Variants in MAGI2 observed in about 807,000 individuals in gnomAD.
MAGI2 encodes the protein membrane associated guanylate kinase, WW and PDZ domain containing 2.
Under a neutral mutation model 133.3 loss-of-function variants are expected in MAGI2, and 35 were observed. The ratio of observed to expected loss-of-function variants is 0.26; its 90% confidence interval spans 0.20 to 0.35. The LOEUF is 0.35. Ranked by LOEUF, MAGI2 falls within the 10% of genes least tolerant of loss-of-function variation. MAGI2 has a pLI of 1.00. For synonymous variants in MAGI2, 729 were observed against 710.6 expected (o/e 1.03, Z -0.41); for missense variants, 1,636 against 1,863.4 (o/e 0.88, Z 2.25).
intron 1 of MAGI2, among the ~76,000 whole-genome samples, chr7:79,111,576 A>G (rs1818925713): frequency 6.6e-6 from 1 of 152,220 alleles, no homozygotes; most frequent in African/African-American, 2.4e-5. Context: ...CGGAAAAAAT[A>G]TAAGCAAGCA....
chr7:79,026,724 C>G (rs1809922952), intron 1 of MAGI2, among the ~76,000 whole-genome samples: 1 of 151,580 alleles, frequency 6.6e-6, no homozygotes, highest in Non-Finnish European at 1.5e-5. Flanking sequence ...AATACAAAAA[C>G]TTAGTCCGGT....
chr7:78,653,226 G>T (rs898662053), intron 2 of MAGI2, among the ~76,000 whole-genome samples: 5 of 152,310 alleles, frequency 3.3e-5, no homozygotes, highest in African/African-American at 1.2e-4. Flanking sequence ...AAATAGTGTG[G>T]TGATTCCTCA....
intron 1 of MAGI2, among the ~76,000 whole-genome samples, chr7:79,374,532 A>G (rs1257004236): frequency 6.6e-6 from 1 of 152,016 alleles, no homozygotes; most frequent in Non-Finnish European, 1.5e-5. Context: ...AAATGAATTT[A>G]TGCTTCAGCC....
At chr7:78,252,382 C>A (rs1440581265) in intron 10 of MAGI2, 1 of 149,878 alleles carries the variant, frequency 6.7e-6, no homozygotes, top group African/African-American at 2.5e-5. Context: ...TATGCTAATT[C>A]ATTTTTGACA....
Position 79,168,903 on chromosome 7 carries a change from T to TAG in MAGI2, c.302-161698_302-161697insCT, listed in dbSNP as rs1825230722. On this transcript the variant is annotated intron_variant, in intron 1 of 21. Coordinates refer to ENST00000354212, the MANE Select transcript of MAGI2 (RefSeq NM_012301.4). ...TTCTAAAGATAGATATATATATATA[T>TAG]ATATATATATATATATATATATATA... Among the ~76,000 whole-genome samples, 5 of 8,676 alleles carry TAG rather than the reference T, an allele frequency of 5.8e-4. No individual in the cohort carries two copies. In the South Asian group the frequency reaches 7.1e-3, roughly 12 times the overall value. The allele number at this position is 8,676 out of a possible 152,430, so 5.7% of individuals were successfully genotyped here. A position where few individuals can be genotyped will look rare whatever the true frequency, so the allele number is the denominator to read the frequency against.
intron 1 of MAGI2, among the ~76,000 whole-genome samples, chr7:79,232,484 C>G (rs1346108877): frequency 1.4e-5 from 2 of 144,742 alleles, no homozygotes; most frequent in Non-Finnish European, 3.0e-5. Flanking sequence ...TGTTATTGGT[C>G]TATTCAGAGA....
chr7:79,314,827 G>A (rs1838577845), intron 1 of MAGI2, among the ~76,000 whole-genome samples: 1 of 152,154 alleles, frequency 6.6e-6, no homozygotes, highest in Non-Finnish European at 1.5e-5. Context: ...ACTCAAATCA[G>A]AAAAGTTTTA....
intron 10 of MAGI2, among the ~76,000 whole-genome samples, chr7:78,237,798 A>G (rs535204464): frequency 4.6e-5 from 7 of 152,328 alleles, no homozygotes; most frequent in Admixed American, 2.0e-4. Context: ...ATATAAAAAC[A>G]TAGTACATGC....
chr7:78,822,386 A>T (rs1459120354), intron 2 of MAGI2, among the ~76,000 whole-genome samples: 1 of 152,114 alleles, frequency 6.6e-6, no homozygotes, highest in East Asian at 1.9e-4. Context: ...AGAGAATAAT[A>T]ATTTAACTCA....
At chr7:78,136,797 C>T (rs529804299) in intron 16 of MAGI2, among the ~76,000 whole-genome samples, 31 of 152,228 alleles carry the variant, frequency 2.0e-4, no homozygotes, top group African/African-American at 4.8e-5. Context: ...TGCTTTACAG[C>T]GAAAGGCAGA....
chr7:79,123,189 C>A (rs907649906), intron 1 of MAGI2, among the ~76,000 whole-genome samples: 1 of 152,106 alleles, frequency 6.6e-6, no homozygotes, highest in African/African-American at 2.4e-5. Flanking sequence ...CCTTTAATAA[C>A]AACGTTCAAT....
At position 78,521,122 on chromosome 7, in the gene MAGI2, C is replaced by T. The variant is rs527497819; in HGVS notation, c.754+308G>A. 2.0e-5 allele frequency among the ~76,000 whole-genome samples: 3 copies of T among 152,062 alleles called. No individual in the cohort carries two copies. In the South Asian group the frequency reaches 6.2e-4, roughly 32 times the overall value. ...ATCTTATAGAAGTTTCAATCATTCACTATATTGCTACTAATATTATATAAT... is the reference window on the plus strand; with the variant it reads ...ATCTTATAGAAGTTTCAATCATTCATTATATTGCTACTAATATTATATAAT... On this transcript the variant is annotated intron_variant, in intron 4 of 21. Transcript: ENST00000354212.
chr7:78,422,293 T>C (rs941828592), intron 6 of MAGI2, among the ~76,000 whole-genome samples: 1 of 152,172 alleles, frequency 6.6e-6, no homozygotes, highest in African/African-American at 2.4e-5. Flanking sequence ...GATGATATTA[T>C]AAAACTTTGG....
intron 3 of MAGI2, among the ~76,000 whole-genome samples, chr7:78,552,246 C>T (rs140685459): frequency 0.016 from 2,327 of 142,500 alleles, 35 homozygotes; most frequent in African/African-American, 0.048. Flanking sequence ...TACAATGGCG[C>T]GATCTCAGCT....
chr7:78,888,882 T>A (rs1267231435), intron 2 of MAGI2, among the ~76,000 whole-genome samples: 1 of 152,198 alleles, frequency 6.6e-6, no homozygotes, highest in Admixed American at 6.5e-5. Context: ...GGATGGAGAA[T>A]GACTTTGATG....
chr7:79,360,966 CAAGAAACT>C (rs1386357658), intron 1 of MAGI2, among the ~76,000 whole-genome samples: 2 of 151,820 alleles, frequency 1.3e-5, no homozygotes, highest in African/African-American at 4.8e-5. Flanking sequence ...ATGCTGCTTA[CAAGAAACT>C]AATTTCAAAT....
At chr7:78,157,467 G>C (rs920645745) in intron 16 of MAGI2, among the ~76,000 whole-genome samples, 3 of 152,052 alleles carry the variant, frequency 2.0e-5, no homozygotes, top group Non-Finnish European at 2.9e-5. Context: ...GATTTTATTT[G>C]CAATAGGAAA....
At chr7:78,422,510 A>G (rs371213899) in intron 6 of MAGI2, among the ~76,000 whole-genome samples, 1 of 151,686 alleles carries the variant, frequency 6.6e-6, no homozygotes, top group East Asian at 1.9e-4. Flanking sequence ...ATATCAATTG[A>G]CTTCATTATT....
chr7:79,161,164 A>G (rs965971612), intron 1 of MAGI2, among the ~76,000 whole-genome samples: 1 of 152,108 alleles, frequency 6.6e-6, no homozygotes, highest in South Asian at 2.1e-4. Flanking sequence ...ATGTCTTATG[A>G]AAATGGGTAA....
Sources: allele counts gnomAD v4.1 joint callset (sites outside exome capture counted in the v4.1 genomes callset), GRCh38; gene constraint gnomAD v4.1.1; transcripts MANE v1.5; gene names NCBI Gene and HGNC (gene_info 2026-07-23, HGNC 2026-07-21).